Variants in IQCB1 observed in about 807,000 individuals in gnomAD.
The protein encoded by IQCB1 is IQ motif containing B1.
A neutral mutation model predicts 84.4 loss-of-function variants in IQCB1; 56 were observed. The ratio of observed to expected loss-of-function variants is 0.66; its 90% CI spans 0.54 to 0.83. The LOEUF (loss-of-function observed/expected upper bound fraction) is 0.83. IQCB1 is among the 40% of genes least tolerant of loss of function. The pLI is 0.00. For missense variants in IQCB1, 629 were observed against 682.1 expected (o/e 0.92, Z 0.87); for synonymous variants, 210 against 234.8 (o/e 0.89, Z 0.96).
intron 5 of IQCB1, among the ~76,000 whole-genome samples, chr3:121,823,184 C>T (rs755201038): frequency 1.1e-4 from 12 of 110,660 alleles, no homozygotes; most frequent in African/African-American, 2.7e-4. Context: ...TAGAAATTAT[C>T]GAAACTGAAG....
chr3:121,781,837 TTC>T lies in IQCB1; in HGVS notation c.1314_1315del (p.Lys439ThrfsTer13), dbSNP rs1948509734. 6.2e-7 allele frequency: 1 copy of T among 1,613,836 alleles called. No individual in the cohort carries two copies. The highest frequency in any genetic ancestry group is 1.7e-5 in the Admixed American group (1 of 59,998). ...GAGTCCTCGCCAAGGAGCAAATAGT[TTC>T]TTTTTCTTACGGCACTTCGCTAGGA... On this transcript the variant is annotated frameshift_variant, in exon 13 of 15. Transcript: ENST00000310864. LOFTEE classifies it high-confidence loss of function.
intron 8 of IQCB1, 123 bp downstream of exon 8, chr3:121,799,073 G>A (rs188888818): frequency 3.0e-6 from 2 of 671,672 alleles, no homozygotes; most frequent in Non-Finnish European, 5.2e-6. Flanking sequence ...GGTATCTGTT[G>A]TGAGTTTTAT....
chr3:121,806,682 C>T (rs1329413062), intron 7 of IQCB1, among the ~76,000 whole-genome samples: 1 of 151,984 alleles, frequency 6.6e-6, no homozygotes, highest in Non-Finnish European at 1.5e-5. Context: ...GTTAGAAGGT[C>T]CTTTAACATT....
At chr3:121,772,799 T>A in intron 13 of IQCB1, 86 bp from the exon 14 acceptor site, 2 of 1,155,610 alleles carry the variant, frequency 1.7e-6, no homozygotes, top group Non-Finnish European at 2.6e-6. Flanking sequence ...TTAGACTGCT[T>A]AGCTGTCTCT....
chr3:121,777,227 T>A (rs1413509972), intron 13 of IQCB1, among the ~76,000 whole-genome samples: 1 of 152,256 alleles, frequency 6.6e-6, no homozygotes, highest in Non-Finnish European at 1.5e-5. Context: ...CTGCATTAAC[T>A]GTATATCTCT....
Position 121,788,350 on chromosome 3 carries a change from C to T in IQCB1, c.1212G>A (p.Arg404=), listed in dbSNP as rs2108543616. 1.2e-6 allele frequency: 2 copies of T among 1,613,826 alleles called. No individual in the cohort carries two copies. Among genetic ancestry groups the T allele is most frequent in the Non-Finnish European group, 1.7e-6 (2 of 1,179,846 alleles). ...ACTGCCTCTGTTGGTGAAAATTTTTCCTTTCCCTGTACCCTCTCCAATGTT... is the reference window on the plus strand; with the variant it reads ...ACTGCCTCTGTTGGTGAAAATTTTTTCTTTCCCTGTACCCTCTCCAATGTT... ...IQKHWRGYRE[R]KNFHQQRQSL... is the part of the protein sequence containing the mutation. The change falls in exon 12 of 15, where the codon AGG becomes AGA. Residue 404 remains arginine, a synonymous_variant. Coordinates refer to ENST00000310864, the MANE Select transcript of IQCB1 (RefSeq NM_001023570.4).
At chr3:121,828,371 T>C in intron 4 of IQCB1, 99 bp downstream of exon 4, 1 of 982,984 alleles carries the variant, frequency 1.0e-6, no homozygotes, top group Non-Finnish European at 1.6e-6. Context: ...AACAGGAGGT[T>C]GCCAATGCTT....
At chr3:121,801,544 A>C (rs114318594) in intron 7 of IQCB1, among the ~76,000 whole-genome samples, 2,308 of 152,116 alleles carry the variant, frequency 0.015, 62 homozygotes, top group African/African-American at 0.052. Flanking sequence ...AACATTCACC[A>C]AGTCATCATA....
intron 13 of IQCB1, among the ~76,000 whole-genome samples, chr3:121,776,629 C>G (rs1331440515): frequency 6.6e-6 from 1 of 152,132 alleles, no homozygotes; most frequent in Non-Finnish European, 1.5e-5. Context: ...AGGCTGGTCT[C>G]AAACTGTTGG....
rs886057827 is a variant in IQCB1, at chr3:121,799,240, T to C, written c.722A>G (p.His241Arg). 1 of 1,611,108 alleles carries C rather than the reference T, an allele frequency of 6.2e-7. No homozygotes were observed. The highest frequency in any genetic ancestry group is 1.7e-5 in the Admixed American group (1 of 59,832). The change falls in exon 8 of 15, where the codon CAT becomes CGT. Residue 241 changes from histidine to arginine, a missense_variant. Coordinates refer to ENST00000310864, the MANE Select transcript of IQCB1 (RefSeq NM_001023570.4). The part of the protein sequence containing the change: ...TKLLLLMAES[H>R]QEILILLRQS... ...TCTCAGTAAAATCAAAATTTCCTGA[T>C]GGGATTCAGCCATCAACAGTAGGAG...
At chr3:121,781,261 G>C (rs1948478844) in intron 13 of IQCB1, among the ~76,000 whole-genome samples, 1 of 152,130 alleles carries the variant, frequency 6.6e-6, no homozygotes, top group African/African-American at 2.4e-5. Context: ...GAAAGTCAAA[G>C]ATATGGACAT....
chr3:121,814,940 T>C (rs1433091841), intron 5 of IQCB1, among the ~76,000 whole-genome samples: 2 of 152,172 alleles, frequency 1.3e-5, no homozygotes, highest in Admixed American at 6.5e-5. Context: ...TACCAAAACC[T>C]GTCACAGACA....
chr3:121,796,098 A>C (rs556196044), intron 9 of IQCB1, among the ~76,000 whole-genome samples: 24 of 152,246 alleles, frequency 1.6e-4, no homozygotes, highest in African/African-American at 5.3e-4. Flanking sequence ...ATGGAATGGC[A>C]AAGGGTACAA....
intron 12 of IQCB1, among the ~76,000 whole-genome samples, chr3:121,783,755 C>T (rs1261904880): frequency 2.0e-5 from 3 of 152,148 alleles, no homozygotes; most frequent in Non-Finnish European, 4.4e-5. Flanking sequence ...ACCATCATCT[C>T]GGTGACTACT....
intron 5 of IQCB1, among the ~76,000 whole-genome samples, chr3:121,816,607 T>C (rs997754801): frequency 6.6e-6 from 1 of 152,080 alleles, no homozygotes; most frequent in Non-Finnish European, 1.5e-5. Flanking sequence ...GTGAAGGATA[T>C]GAATAGACAC....
chr3:121,834,015 G>A (rs1444879053), intron 2 of IQCB1: 1 of 152,122 alleles, frequency 6.6e-6, no homozygotes, highest in East Asian at 1.9e-4. Flanking sequence ...TTAAACTCTG[G>A]AGAATGTAAT....
rs752682393 is a variant in IQCB1 at position 121,781,808 on chromosome 3, C to A, written c.1345G>T (p.Glu449Ter). The part of the protein sequence containing the change: ...KLFAPWRGLQ[E>*]LTDARRVELK... ...TCAACTCGGCGTGCATCAGTGAGTT[C>A]TTGGAGTCCTCGCCAAGGAGCAAAT... Residue 449 changes from glutamate (E) to a stop codon, truncating the protein, a stop_gained, in exon 13 of 15, where the codon GAA becomes TAA. Transcript: ENST00000310864. LOFTEE classifies it high-confidence loss of function. The A allele has an allele frequency of 1.9e-6, 3 of 1,613,766 alleles. No individual in the cohort carries two copies. The highest frequency in any genetic ancestry group is 2.5e-6 in the Non-Finnish European group (3 of 1,179,862).
chr3:121,818,776 G>C (rs1457929399), intron 5 of IQCB1, among the ~76,000 whole-genome samples: 1 of 152,152 alleles, frequency 6.6e-6, no homozygotes, highest in East Asian at 1.9e-4. Context: ...GAACCAGAAA[G>C]GCACCTAGAA....
At chr3:121,796,941 T>C (rs555896435) in intron 9 of IQCB1, among the ~76,000 whole-genome samples, 177 bp downstream of exon 9, 14 of 152,216 alleles carry the variant, frequency 9.2e-5, no homozygotes, top group South Asian at 2.1e-4. Flanking sequence ...CTCCAATTCC[T>C]GGACTCAAGC....
Sources: allele counts gnomAD v4.1 joint callset (sites outside exome capture counted in the v4.1 genomes callset), GRCh38; gene constraint gnomAD v4.1.1; transcripts MANE v1.5; gene names NCBI Gene and HGNC (gene_info 2026-07-23, HGNC 2026-07-21).